SULT2B1: variants seen among roughly 807,000 people sequenced by gnomAD.
SULT2B1 encodes sulfotransferase 2B1.
Under a neutral mutation model 33.2 loss-of-function variants are expected in SULT2B1, and 16 were observed. The ratio of observed to expected loss-of-function variants is 0.48; its 90% confidence interval spans 0.33 to 0.73. SULT2B1 has a LOEUF of 0.73. SULT2B1 is among the 30% of genes least tolerant of loss of function. The pLI is 0.02. For synonymous variants in SULT2B1, 186 were observed against 200.5 expected (o/e 0.93, Z 0.61); for missense variants, 500 against 506.0 (o/e 0.99, Z 0.11).
chr19:48,572,193 C>G (rs1224426387), intron 1 of SULT2B1, among the ~76,000 whole-genome samples: 1 of 152,084 alleles, frequency 6.6e-6, no homozygotes, highest in African/African-American at 2.4e-5. Flanking sequence ...GGCAAGGAGG[C>G]TATTGGTCTA....
chr19:48,571,916 C>T (rs1241300503), intron 1 of SULT2B1, among the ~76,000 whole-genome samples: 1 of 152,128 alleles, frequency 6.6e-6, no homozygotes, highest in Non-Finnish European at 1.5e-5. Context: ...CCCGGCTGCA[C>T]TTGTGTTTAA....
At chr19:48,568,758 T>C (rs115856303) in intron 1 of SULT2B1, among the ~76,000 whole-genome samples, 2,839 of 152,094 alleles carry the variant, frequency 0.019, 93 homozygotes, top group African/African-American at 0.065. Context: ...TGGCAGTGAG[T>C]CAGCGGCACC....
chr19:48,585,726 GT>G (rs1183732521), intron 2 of SULT2B1, among the ~76,000 whole-genome samples: 3 of 152,040 alleles, frequency 2.0e-5, no homozygotes, highest in African/African-American at 7.2e-5. Flanking sequence ...TATACCTAAT[GT>G]TAAATGATGA....
At chr19:48,577,203 TTTTTA>T (rs773924047) in intron 2 of SULT2B1, among the ~76,000 whole-genome samples, 24 of 150,774 alleles carry the variant, frequency 1.6e-4, no homozygotes, top group African/African-American at 4.4e-4. Context: ...CGGCTACTTC[TTTTTA>T]TTTTATTTTA....
Position 48,552,811 on chromosome 19 carries a change from G to A in SULT2B1, c.71+488G>A, listed in dbSNP as rs117085958. Among the ~76,000 whole-genome samples the A allele has an allele frequency of 0.021, 3,204 of 152,158 alleles. 84 individuals carry two copies. Among genetic ancestry groups the A allele is most frequent in the Non-Finnish European group, 0.021 (1,436 of 67,996 alleles). On this transcript the variant is annotated intron_variant, in intron 1 of 6. Coordinates refer to ENST00000201586, the MANE Select transcript of SULT2B1 (RefSeq NM_177973.2). This position sits in a 1 kb window ranked among gnomAD's most constrained non-coding sequence, Gnocchi z 4.8. ...AGCTGTGTTCTAGGGCACTTGGGGC[G>A]GAGAGGGCAGGCTCTGGACTCTTCA...
chr19:48,558,790 T>G (rs1973138529), intron 1 of SULT2B1, among the ~76,000 whole-genome samples: 1 of 149,956 alleles, frequency 6.7e-6, no homozygotes, highest in African/African-American at 2.5e-5. Flanking sequence ...GTTCAAGCGA[T>G]TCTCCTGCCT....
chr19:48,582,987 T>TAAAAA, intron 2 of SULT2B1, among the ~76,000 whole-genome samples: 1 of 105,648 alleles, frequency 9.5e-6, no homozygotes, highest in African/African-American at 4.9e-5. Context: ...ATCCTATCTC[T>TAAAAA]ACAAAAAAAA....
At chr19:48,553,773 C>A (rs951772236) in intron 1 of SULT2B1, among the ~76,000 whole-genome samples, 4 of 152,198 alleles carry the variant, frequency 2.6e-5, no homozygotes, top group Non-Finnish European at 5.9e-5. Context: ...CTCTGGGCCT[C>A]CTGGGCTGAG....
chr19:48,564,780 C>G (rs1973224793), intron 1 of SULT2B1, among the ~76,000 whole-genome samples: 1 of 151,714 alleles, frequency 6.6e-6, no homozygotes, highest in Admixed American at 6.6e-5. Flanking sequence ...ATCTATCAAT[C>G]CTTCTGGGTT....
At chr19:48,588,000 A>C (rs186683002) in intron 3 of SULT2B1, among the ~76,000 whole-genome samples, 210 of 150,532 alleles carry the variant, frequency 1.4e-3, no homozygotes, top group African/African-American at 4.8e-3. Flanking sequence ...ACTTGAGGCC[A>C]GGAGTTCAAT....
chr19:48,573,345 G>A (rs3760800), intron 1 of SULT2B1, among the ~76,000 whole-genome samples: 63,572 of 151,416 alleles, frequency 0.42, 14,345 homozygotes, highest in South Asian at 0.58. Context: ...CACTCAAATC[G>A]AGCGATATCA....
chr19:48,570,806 C>T (rs920635688), intron 1 of SULT2B1, among the ~76,000 whole-genome samples: 5 of 151,668 alleles, frequency 3.3e-5, no homozygotes, highest in Non-Finnish European at 5.9e-5. Flanking sequence ...CTCACTGCAA[C>T]CTCTGCCTCC....
At chr19:48,591,805 C>G in intron 4 of SULT2B1, 70 bp downstream of exon 4, 1 of 1,473,310 alleles carries the variant, frequency 6.8e-7, no homozygotes, top group East Asian at 2.5e-5. Context: ...GGCAGAGGGA[C>G]AGAGGAGGGG....
intron 1 of SULT2B1, among the ~76,000 whole-genome samples, chr19:48,555,371 C>G (rs1296388972): frequency 2.0e-5 from 3 of 152,122 alleles, no homozygotes; most frequent in Admixed American, 2.0e-4. Context: ...GGCTTACAGG[C>G]GTGAGCCACC....
intron 1 of SULT2B1, among the ~76,000 whole-genome samples, chr19:48,559,238 C>A (rs4801764): frequency 6.6e-6 from 1 of 151,988 alleles, no homozygotes; most frequent in African/African-American, 2.4e-5. Flanking sequence ...CCTTTCCACT[C>A]GCTCTTTGGG....
chr19:48,569,644 A>ACG (rs1973294719), intron 1 of SULT2B1, among the ~76,000 whole-genome samples: 1 of 150,670 alleles, frequency 6.6e-6, no homozygotes, highest in Admixed American at 6.7e-5. Flanking sequence ...GATTACAGGC[A>ACG]TGAGCCACCA....
chr19:48,599,206 C>T lies in SULT2B1; in HGVS notation c.898C>T (p.Gln300Ter). Residue 300 changes from glutamine (Q) to a stop codon, truncating the protein, a stop_gained, in exon 7 of 7, where the codon CAG becomes TAG. Coordinates refer to ENST00000201586, the MANE Select transcript of SULT2B1 (RefSeq NM_177973.2). LOFTEE classifies it low-confidence loss of function (END_TRUNC). This position sits in a 1 kb window ranked among gnomAD's most constrained non-coding sequence, Gnocchi z 4.1. ...AGCCTTCGATCGTGCCTACCGCAAG[C>T]AGATGCGGGGGATGCCGACCTTCCC... ...SEAFDRAYRK[Q>*]MRGMPTFPWD... is the part of the protein sequence containing the mutation. 6.2e-7 allele frequency: 1 copy of T among 1,606,330 alleles called. No homozygotes were observed.
At chr19:48,589,016 G>C (rs1973606568) in intron 3 of SULT2B1, among the ~76,000 whole-genome samples, 1 of 152,228 alleles carries the variant, frequency 6.6e-6, no homozygotes, top group African/African-American at 2.4e-5. Context: ...CAGCGCGGCA[G>C]GGATCGCAGC....
intron 1 of SULT2B1, among the ~76,000 whole-genome samples, chr19:48,559,959 T>C (rs1234162662): frequency 7.5e-6 from 1 of 133,470 alleles, no homozygotes; most frequent in African/African-American, 2.7e-5. Context: ...CATCTCTCTT[T>C]AAAAAAAAAA....
Sources: allele counts gnomAD v4.1 joint callset (sites outside exome capture counted in the v4.1 genomes callset), GRCh38; gene constraint gnomAD v4.1.1; non-coding constraint Gnocchi (gnomAD v3.1); transcripts MANE v1.5; gene names NCBI Gene and HGNC (gene_info 2026-07-23, HGNC 2026-07-21).